CMTM4: variants seen among roughly 807,000 people sequenced by gnomAD.
CMTM4 encodes CKLF like MARVEL transmembrane domain containing 4.
CMTM4 carries 8 observed loss-of-function variants against 19.0 expected under a neutral mutation model. The ratio of observed to expected loss-of-function variants is 0.42; its 90% CI spans 0.25 to 0.76. The LOEUF (loss-of-function observed/expected upper bound fraction) is 0.76, where lower values mean the gene tolerates loss of function less well. Among genes scored for constraint, CMTM4 ranks in the 30% least tolerant of loss-of-function variants. The probability of loss-of-function intolerance (pLI) is 0.27; values close to 1 mark genes in which losing one functional copy is unlikely to be tolerated. For missense variants in CMTM4, 228 were observed against 290.2 expected (o/e 0.79, Z 1.56); for synonymous variants, 106 against 121.1 (o/e 0.88, Z 0.82).
the CMTM4 span, among the ~76,000 whole-genome samples, chr16:66,602,717 T>C: frequency 6.6e-6 from 1 of 152,094 alleles, no homozygotes; most frequent in Non-Finnish European, 1.5e-5. Flanking sequence ...CAGCTAATTT[T>C]TGTATTTTTA....
At chr16:66,610,172 A>G (rs1322752343), downstream of CMTM4, 17 of 825,716 alleles carry the variant, frequency 2.1e-5, no homozygotes, top group Non-Finnish European at 1.3e-5. The surrounding 1 kb of genome is among the most constrained non-coding windows in gnomAD (Gnocchi z 4.6). Flanking sequence ...ATCCAAAGCC[A>G]GTCCCATTCG....
chr16:66,629,000 G>A (rs761256540), intron 2 of CMTM4, among the ~76,000 whole-genome samples: 4 of 151,916 alleles, frequency 2.6e-5, no homozygotes, highest in Non-Finnish European at 5.9e-5. Context: ...TCTAGTTTTT[G>A]GGGTTTTTTT....
chr16:66,696,216 G>C lies in CMTM4; in HGVS notation c.186+124C>G, dbSNP rs944366062. The C allele has an allele frequency of 3.2e-6, 2 of 630,774 alleles. No individual in the cohort carries two copies. Among genetic ancestry groups the C allele is most frequent in the Non-Finnish European group, 4.5e-6 (2 of 445,890 alleles). The allele number at this position is 630,774 out of a possible 1,614,324, so 39.1% of individuals were successfully genotyped here. A position where few individuals can be genotyped will look rare whatever the true frequency, so the allele number is the denominator to read the frequency against. On this transcript the variant is annotated intron_variant, in intron 1 of 3. Transcript: ENST00000394106. This position sits in a 1 kb window ranked among gnomAD's most constrained non-coding sequence, Gnocchi z 4.3. Reference sequence around the variant, plus strand: ...GGTCCCGGGACCCCACGAGGGAGAGGGGGCGCGAGGAGCGGGCTCCGGCCT... The same window carrying C: ...GGTCCCGGGACCCCACGAGGGAGAGCGGGCGCGAGGAGCGGGCTCCGGCCT...
chr16:66,674,703 G>C (rs1450600315), intron 1 of CMTM4, among the ~76,000 whole-genome samples: 1 of 150,808 alleles, frequency 6.6e-6, no homozygotes, highest in Non-Finnish European at 1.5e-5. Flanking sequence ...ACCTCACAGA[G>C]GACCAAGTGC....
intron 1 of CMTM4, among the ~76,000 whole-genome samples, chr16:66,671,998 C>A (rs140156249): frequency 6.6e-6 from 1 of 152,154 alleles, no homozygotes; most frequent in African/African-American, 2.4e-5. Context: ...TGCACTCCAG[C>A]CTGGGCAACA....
At chr16:66,645,532 G>A in intron 1 of CMTM4, among the ~76,000 whole-genome samples, 1 of 152,046 alleles carries the variant, frequency 6.6e-6, no homozygotes. Context: ...AGCCAAGATT[G>A]CGCCACTGCA....
chr16:66,695,281 A>G (rs2017211236), intron 1 of CMTM4, among the ~76,000 whole-genome samples: 1 of 152,160 alleles, frequency 6.6e-6, no homozygotes, highest in Non-Finnish European at 1.5e-5. Context: ...TGGGAGGTCG[A>G]ACCTGCAGTG....
the CMTM4 span, chr16:66,604,342 G>A: frequency 0.22 from 33,226 of 153,148 alleles, 4,584 homozygotes; most frequent in East Asian, 0.39. Context: ...AAAAGAGAGG[G>A]CATGGGTTGC....
chr16:66,620,867 GAA>G lies in CMTM4; in HGVS notation c.*1189_*1190del. On this transcript the variant is annotated 3_prime_UTR_variant, in exon 4 of 4. Coordinates refer to ENST00000394106, the MANE Select transcript of CMTM4 (RefSeq NM_181521.3). The stretch of plus-strand genomic sequence containing the variant: ...AACTACTGCATCATGGGGACTCACT[GAA>G]CTCATTCACCACACACAATAATCTT... 1.0e-6 allele frequency: 1 copy of G among 985,686 alleles called. No individual in the cohort carries two copies. Among genetic ancestry groups the G allele is most frequent in the Non-Finnish European group, 1.2e-6 (1 of 829,912 alleles). 61.1% of individuals were successfully genotyped at this position (985,686 alleles called of 1,614,324 possible).
intron 1 of CMTM4, among the ~76,000 whole-genome samples, chr16:66,652,801 G>A (rs1325604929): frequency 2.0e-5 from 3 of 152,218 alleles, no homozygotes; most frequent in Non-Finnish European, 4.4e-5. Context: ...GTGGTTTGAT[G>A]ATATAACTGC....
intron 1 of CMTM4, among the ~76,000 whole-genome samples, chr16:66,690,466 T>G (rs1441506626): frequency 9.9e-5 from 15 of 152,280 alleles, no homozygotes; most frequent in Middle Eastern, 3.4e-3. Context: ...GCTTTGTAAA[T>G]GTAGCTATAT....
rs544870535 is a variant in CMTM4, at chr16:66,615,858, G to C, written c.*6200C>G. 9.9e-5 allele frequency: 15 copies of C among 152,152 alleles called. No homozygotes were observed. Among genetic ancestry groups the C allele is most frequent in the Non-Finnish European group, 2.1e-4 (14 of 68,044 alleles). 9.4% of individuals were successfully genotyped at this position (152,152 alleles called of 1,614,324 possible). A position where few individuals can be genotyped will look rare whatever the true frequency, so the allele number is the denominator to read the frequency against. ...AACCACTTTCTTTGTACTGTTTGAG[G>C]TGAGCAGTGGCTCCAAACTGAGCAA... On this transcript the variant is annotated 3_prime_UTR_variant, in exon 4 of 4. Coordinates refer to ENST00000394106, the MANE Select transcript of CMTM4 (RefSeq NM_181521.3). This position sits in a 1 kb window ranked among gnomAD's most constrained non-coding sequence, Gnocchi z 4.9.
chr16:66,645,545 C>A (rs925802406), intron 1 of CMTM4, among the ~76,000 whole-genome samples: 1 of 152,046 alleles, frequency 6.6e-6, no homozygotes, highest in Non-Finnish European at 1.5e-5. Context: ...CCACTGCATT[C>A]CAGCCTGGGC....
At chr16:66,663,733 G>C (rs2016542154) in intron 1 of CMTM4, among the ~76,000 whole-genome samples, 1 of 151,710 alleles carries the variant, frequency 6.6e-6, no homozygotes, top group South Asian at 2.1e-4. Context: ...AGTAAAGACA[G>C]GGATTCACCA....
downstream of CMTM4, among the ~76,000 whole-genome samples, chr16:66,610,272 A>AC (rs1462932572): frequency 1.3e-5 from 2 of 149,854 alleles, no homozygotes; most frequent in East Asian, 2.0e-4. The surrounding 1 kb of genome is among the most constrained non-coding windows in gnomAD (Gnocchi z 4.6). Context: ...TCCCTGGACG[A>AC]CCCCCCTGGG....
chr16:66,618,631 T>G lies in CMTM4; in HGVS notation c.*3427A>C. 2 of 985,466 alleles carry G rather than the reference T, an allele frequency of 2.0e-6. 1 individual carries two copies. The highest frequency in any genetic ancestry group is 1.0e-3 in the Middle Eastern group (2 of 1,914). The allele number at this position is 985,466 out of a possible 1,614,324, so 61.0% of individuals were successfully genotyped here. A position where few individuals can be genotyped will look rare whatever the true frequency, so the allele number is the denominator to read the frequency against. On this transcript the variant is annotated 3_prime_UTR_variant, in exon 4 of 4. Transcript: ENST00000394106. The stretch of plus-strand genomic sequence containing the variant: ...GGTCTCATTCACTGCAAGCAAGAAT[T>G]CACGTACATGAGTGCACAAAGGTGT...
At chr16:66,692,349 C>T (rs1249795074) in intron 1 of CMTM4, among the ~76,000 whole-genome samples, 1 of 152,134 alleles carries the variant, frequency 6.6e-6, no homozygotes, top group Non-Finnish European at 1.5e-5. Flanking sequence ...CTCGGACTCC[C>T]AAAGTGCTGG....
chr16:66,666,706 T>C (rs1307503637), intron 1 of CMTM4, among the ~76,000 whole-genome samples: 2 of 152,176 alleles, frequency 1.3e-5, no homozygotes, highest in African/African-American at 4.8e-5. Context: ...GAGATGCCAC[T>C]ACACACCTAT....
rs1319358292 is a variant in CMTM4, at chr16:66,617,205, AAAAC to A, written c.*4849_*4852del. 2.0e-6 allele frequency: 3 copies of A among 1,494,182 alleles called. No homozygotes were observed. Among genetic ancestry groups the A allele is most frequent in the Non-Finnish European group, 2.8e-6 (3 of 1,088,284 alleles). 92.6% of individuals were successfully genotyped at this position (1,494,182 alleles called of 1,614,324 possible). A position where few individuals can be genotyped will look rare whatever the true frequency, so the allele number is the denominator to read the frequency against. On this transcript the variant is annotated 3_prime_UTR_variant, in exon 4 of 4. Transcript: ENST00000394106. ...ACCTGAATTAAAGCCTCAGCATAAA[AAAAC>A]AAACATAGACAACAAACTTACCCTA...
Sources: allele counts gnomAD v4.1 joint callset (sites outside exome capture counted in the v4.1 genomes callset), GRCh38; gene constraint gnomAD v4.1.1; non-coding constraint Gnocchi (gnomAD v3.1); transcripts MANE v1.5; gene names NCBI Gene and HGNC (gene_info 2026-07-23, HGNC 2026-07-21).